PRKG1: variants seen among roughly 807,000 people sequenced by gnomAD.
The protein encoded by PRKG1 is protein kinase cGMP-dependent 1.
PRKG1 carries 35 observed loss-of-function variants against 88.1 expected under a neutral mutation model. The observed-to-expected ratio is 0.40, with a 90% CI of 0.30 to 0.53. PRKG1 has a LOEUF of 0.53. Ranked by LOEUF, PRKG1 falls within the 20% of genes least tolerant of loss-of-function variation. PRKG1 has a pLI of 0.59. For missense variants in PRKG1, 540 were observed against 839.8 expected (o/e 0.64, Z 4.41); for synonymous variants, 303 against 292.5 (o/e 1.04, Z -0.37).
chr10:51,374,093 A>AAATATAGATATATATATATATATATATAT, intron 2 of PRKG1, among the ~76,000 whole-genome samples: 7 of 100,144 alleles, frequency 7.0e-5, no homozygotes. Context: ...AAAAAAAAAA[A>AAATATAGATATATATATATATATATATAT]ATATATATAT....
chr10:51,871,395 A>G (rs1172016468), intron 4 of PRKG1, among the ~76,000 whole-genome samples: 2 of 152,074 alleles, frequency 1.3e-5, no homozygotes, highest in Non-Finnish European at 2.9e-5. Context: ...CCCCATCTCT[A>G]GGACTGGTTC....
intron 3 of PRKG1, among the ~76,000 whole-genome samples, chr10:51,564,576 C>A (rs760965570): frequency 6.6e-6 from 1 of 151,996 alleles, no homozygotes; most frequent in Non-Finnish European, 1.5e-5. Flanking sequence ...GACGACCTTG[C>A]ACATAGGAGG....
At chr10:51,652,589 C>T (rs1451263959) in intron 3 of PRKG1, among the ~76,000 whole-genome samples, 1 of 151,872 alleles carries the variant, frequency 6.6e-6, no homozygotes, top group African/African-American at 2.4e-5. Context: ...GTCATTTGGC[C>T]TTTTTAATTT....
At chr10:51,136,798 A>G (rs1036644213) in intron 1 of PRKG1, among the ~76,000 whole-genome samples, 1 of 152,126 alleles carries the variant, frequency 6.6e-6, no homozygotes, top group Non-Finnish European at 1.5e-5. Flanking sequence ...TCGCCAACTC[A>G]ATTTCATGAT....
chr10:52,107,137 T>C (rs375590520), intron 7 of PRKG1, among the ~76,000 whole-genome samples: 1 of 152,182 alleles, frequency 6.6e-6, no homozygotes, highest in East Asian at 1.9e-4. Flanking sequence ...AGCAGCAGTG[T>C]CTGACCATTT....
intron 9 of PRKG1, among the ~76,000 whole-genome samples, chr10:52,166,553 C>T (rs1358179502): frequency 6.8e-6 from 1 of 147,524 alleles, no homozygotes; most frequent in Non-Finnish European, 1.5e-5. Flanking sequence ...CCTGCCTCAG[C>T]CTCCCAAGTA....
chr10:52,061,279 C>A (rs1000979703), intron 6 of PRKG1, among the ~76,000 whole-genome samples: 9 of 152,052 alleles, frequency 5.9e-5, no homozygotes, highest in African/African-American at 1.9e-4. Flanking sequence ...CTTACACAGA[C>A]CTTCTTAATA....
At chr10:51,304,288 A>G (rs903681523) in intron 2 of PRKG1, among the ~76,000 whole-genome samples, 6 of 152,164 alleles carry the variant, frequency 3.9e-5, no homozygotes, top group African/African-American at 1.4e-4. Flanking sequence ...AGTAAATATC[A>G]TATAGTCACG....
chr10:51,980,876 G>T (rs1430086214), intron 5 of PRKG1, among the ~76,000 whole-genome samples: 3 of 152,014 alleles, frequency 2.0e-5, no homozygotes, highest in Non-Finnish European at 4.4e-5. Flanking sequence ...TATGGGTGTT[G>T]TTGTATGTAA....
intron 9 of PRKG1, among the ~76,000 whole-genome samples, chr10:52,206,038 C>G (rs1159605218): frequency 1.3e-5 from 2 of 152,194 alleles, no homozygotes; most frequent in African/African-American, 4.8e-5. Flanking sequence ...CTCTCCCTCT[C>G]TTTCAGGGAT....
intron 4 of PRKG1, among the ~76,000 whole-genome samples, chr10:51,858,641 A>T (rs986290188): frequency 6.7e-6 from 1 of 150,372 alleles, no homozygotes; most frequent in East Asian, 2.0e-4. Context: ...ACATGCCTGT[A>T]CATTTTTGTA....
chr10:52,156,311 C>T lies in PRKG1; in HGVS notation c.1002-5578C>T, dbSNP rs1191230526. On this transcript the variant is annotated intron_variant, in intron 8 of 17. Transcript: ENST00000373980. ...TTATTTTTATGCACGCTATAGCCTT[C>T]CTTCTGATAAGCATTCAGCTACTCA... 2.0e-5 allele frequency among the ~76,000 whole-genome samples: 3 copies of T among 151,920 alleles called. 1 individual carries two copies. Among genetic ancestry groups the T allele is most frequent in the Admixed American group, 1.3e-4 (2 of 15,232 alleles).
intron 9 of PRKG1, among the ~76,000 whole-genome samples, chr10:52,195,940 GA>G (rs1839492843): frequency 2.0e-5 from 3 of 152,038 alleles, no homozygotes. Flanking sequence ...AATGAGAACT[GA>G]AAAAATGGAA....
At chr10:51,746,756 G>T (rs1014569191) in intron 3 of PRKG1, among the ~76,000 whole-genome samples, 4 of 149,564 alleles carry the variant, frequency 2.7e-5, no homozygotes, top group African/African-American at 4.9e-5. Flanking sequence ...AAAAAGAAAA[G>T]AAAGAAAAAA....
At chr10:51,602,430 G>T (rs1838630149) in intron 3 of PRKG1, among the ~76,000 whole-genome samples, 2 of 151,478 alleles carry the variant, frequency 1.3e-5, no homozygotes, top group East Asian at 1.9e-4. Context: ...GTCACTTTGG[G>T]TTTTTTTTCT....
At chr10:51,121,147 A>G (rs890041277) in intron 1 of PRKG1, among the ~76,000 whole-genome samples, 3 of 152,106 alleles carry the variant, frequency 2.0e-5, no homozygotes, top group Admixed American at 6.6e-5. Flanking sequence ...TATCGTGGTG[A>G]TTAATTGAAC....
At chr10:51,711,150 G>T (rs1413941947) in intron 3 of PRKG1, among the ~76,000 whole-genome samples, 1 of 152,134 alleles carries the variant, frequency 6.6e-6, no homozygotes, top group Non-Finnish European at 1.5e-5. Flanking sequence ...CTGTCACCCA[G>T]GCTGGAGTGC....
chr10:51,098,127 A>G (rs1462475415), intron 1 of PRKG1, among the ~76,000 whole-genome samples: 4 of 152,230 alleles, frequency 2.6e-5, no homozygotes, highest in East Asian at 3.9e-4. Flanking sequence ...CTAATAATAC[A>G]TGTCTGAGAG....
chr10:51,939,291 G>C (rs1456166941), intron 5 of PRKG1, among the ~76,000 whole-genome samples: 1 of 151,960 alleles, frequency 6.6e-6, no homozygotes, highest in Non-Finnish European at 1.5e-5. Flanking sequence ...TTTATTTGCT[G>C]TAGAAAATAT....
Sources: allele counts gnomAD v4.1 joint callset (sites outside exome capture counted in the v4.1 genomes callset), GRCh38; gene constraint gnomAD v4.1.1; transcripts MANE v1.5; gene names NCBI Gene and HGNC (gene_info 2026-07-23, HGNC 2026-07-21).